TTC34: variants seen among roughly 807,000 people sequenced by gnomAD.
TTC34 encodes the protein tetratricopeptide repeat protein 34.
In TTC34, 44 loss-of-function variants were observed where a neutral mutation model predicts 40.7. The observed-to-expected ratio is 1.08, with a 90% confidence interval of 0.85 to 1.39. The LOEUF is 1.39. Ranked by LOEUF, TTC34 falls within the 40% of genes most tolerant of loss-of-function variation. TTC34 has a pLI of 0.00. For synonymous variants in TTC34, 422 were observed against 398.6 expected (o/e 1.06, Z -0.70); for missense variants, 884 against 838.0 (o/e 1.05, Z -0.68).
chr1:2,653,348 G>A (rs56375117), intron 6 of TTC34, among the ~76,000 whole-genome samples: 1,690 of 130,890 alleles, frequency 0.013, no homozygotes, highest in South Asian at 0.018. Context: ...GCATCTGACA[G>A]CCTGGAACAG....
chr1:2,755,905 C>T lies in TTC34; in HGVS notation c.2226+27704G>A, dbSNP rs1166167680. Reference sequence around the variant, plus strand: ...GACATCCTTGAGCAGCACCCACACCCCCAGGTGAGCATCTGACAGCCTGGA... The same window carrying T: ...GACATCCTTGAGCAGCACCCACACCTCCAGGTGAGCATCTGACAGCCTGGA... On this transcript the variant is annotated intron_variant, in intron 6 of 8. Transcript: ENST00000401095. Among the ~76,000 whole-genome samples the T allele has an allele frequency of 9.4e-5, 8 of 84,908 alleles. 2 individuals are homozygous for T. The highest frequency in any genetic ancestry group is 1.5e-4 in the Non-Finnish European group (7 of 47,894). 55.7% of individuals were successfully genotyped at this position (84,908 alleles called of 152,430 possible).
rs77809548 is a variant in TTC34 at position 2,771,484 on chromosome 1, C to A, written c.2226+12125G>T. Among the ~76,000 whole-genome samples the A allele has an allele frequency of 6.8e-4, 56 of 82,080 alleles. 4 individuals carry two copies. The highest frequency in any genetic ancestry group is 7.5e-4 in the Non-Finnish European group (34 of 45,260). 53.8% of individuals were successfully genotyped at this position (82,080 alleles called of 152,430 possible). On this transcript the variant is annotated intron_variant, in intron 6 of 8. Coordinates refer to ENST00000401095, the Ensembl canonical transcript of TTC34. ...TGACAGTCTGGAACAGCATCCACAC[C>A]CCCAGGCGAGCATCTGACAGCCTGG...
chr1:2,691,624 C>A (rs1640622324), intron 6 of TTC34, among the ~76,000 whole-genome samples: 5 of 111,398 alleles, frequency 4.5e-5, no homozygotes, highest in South Asian at 2.8e-4. Flanking sequence ...CACCCTGCAC[C>A]CCCAGGTGCG....
exon 3 of TTC34, chr1:2,789,898 T>TGCACGGTCCCCC: frequency 2.5e-6 from 1 of 401,302 alleles, no homozygotes; most frequent in Non-Finnish European, 4.4e-6. Flanking sequence ...CGCGGTCCCC[T>TGCACGGTCCCCC]GCACGGTCCC....
intron 6 of TTC34, among the ~76,000 whole-genome samples, chr1:2,750,033 C>T (rs1383933947): frequency 1.0e-5 from 1 of 99,738 alleles, no homozygotes; most frequent in African/African-American, 4.8e-5. Flanking sequence ...CAGCCTGGAG[C>T]AGCACCCACA....
intron 1 of TTC34, among the ~76,000 whole-genome samples, chr1:2,801,353 G>T (rs1245098325): frequency 6.6e-6 from 1 of 152,030 alleles, no homozygotes; most frequent in Admixed American, 6.5e-5. Context: ...TTCGAGGGGG[G>T]CGCCGAGAGC....
rs1418028677 is a variant in TTC34, at chr1:2,751,559, C to G, written c.2226+32050G>C. On this transcript the variant is annotated intron_variant, in intron 6 of 8. Transcript: ENST00000401095. ...GTGAGCATCTGACAGCCTGCAACAG[C>G]ACGCACACCCCCAGGTGCGCACGTG... Among the ~76,000 whole-genome samples, 27 of 98,996 alleles carry G rather than the reference C, an allele frequency of 2.7e-4. 5 individuals are homozygous for G. The highest frequency in any genetic ancestry group is 1.2e-3 in the Admixed American group (11 of 8,902). 64.9% of individuals were successfully genotyped at this position (98,996 alleles called of 152,430 possible).
intron 6 of TTC34, among the ~76,000 whole-genome samples, chr1:2,687,459 T>A (rs1285392334): frequency 2.1e-5 from 3 of 144,914 alleles, no homozygotes; most frequent in Admixed American, 1.4e-4. Flanking sequence ...CAGGTGAGCA[T>A]CCGACAGCCT....
chr1:2,754,770 C>G, intron 6 of TTC34, among the ~76,000 whole-genome samples: 1 of 131,020 alleles, frequency 7.6e-6, no homozygotes, highest in South Asian at 2.5e-4. Context: ...TCTGGAGCAG[C>G]ACCCACACCC....
chr1:2,688,570 C>G (rs1339783973), intron 6 of TTC34, among the ~76,000 whole-genome samples: 1 of 143,924 alleles, frequency 6.9e-6, no homozygotes, highest in Non-Finnish European at 1.5e-5. Flanking sequence ...AGCACCCACA[C>G]CTTCCGGCGC....
chr1:2,696,791 G>T (rs1399027935), intron 6 of TTC34, among the ~76,000 whole-genome samples: 1 of 95,236 alleles, frequency 1.1e-5, no homozygotes, highest in African/African-American at 3.4e-5. Context: ...GCCTGTAACA[G>T]TACCCACACC....
chr1:2,776,308 A>T (rs1333077886), intron 6 of TTC34: 1 of 126,102 alleles, frequency 7.9e-6, no homozygotes, highest in Non-Finnish European at 1.6e-5. Flanking sequence ...TTCCAACAGC[A>T]TGGAACAAGA....
chr1:2,638,416 TTGAA>T (rs1368289152), exon 9 of TTC34: 4 of 152,226 alleles, frequency 2.6e-5, no homozygotes, highest in Non-Finnish European at 4.4e-5. Context: ...GTTTACTTGG[TTGAA>T]TGAAATCTGG....
chr1:2,644,490 T>G lies in TTC34; in HGVS notation c.2498-12A>C, dbSNP rs1193298764. ...TTCCTCGTAGCTGCCTGTCAGGGATTCAGGAGGGACAGTCAGTGTGTGGGG... is the reference window on the plus strand; with the variant it reads ...TTCCTCGTAGCTGCCTGTCAGGGATGCAGGAGGGACAGTCAGTGTGTGGGG... On this transcript the variant is annotated splice_polypyrimidine_tract_variant and intron_variant, in intron 7 of 8. Transcript: ENST00000401095. 6.5e-6 allele frequency: 10 copies of G among 1,530,446 alleles called. No homozygotes were observed. The highest frequency in any genetic ancestry group is 8.8e-6 in the Non-Finnish European group (10 of 1,142,730). 94.8% of individuals were successfully genotyped at this position (1,530,446 alleles called of 1,614,324 possible).
exon 9 of TTC34, chr1:2,641,723 T>C: frequency 3.3e-6 from 5 of 1,535,314 alleles, no homozygotes; most frequent in Non-Finnish European, 3.5e-6. Flanking sequence ...CTGGAGCACA[T>C]GGTCCAGGTC....
intron 8 of TTC34, among the ~76,000 whole-genome samples, chr1:2,643,167 G>A (rs1191862915): frequency 6.6e-6 from 1 of 152,076 alleles, no homozygotes; most frequent in African/African-American, 2.4e-5. Flanking sequence ...TCCGACCCCA[G>A]ACTCCCCTGA....
Position 2,691,800 on chromosome 1 carries a change from G to A in TTC34, c.2227-46237C>T, listed in dbSNP as rs1422481774. Among the ~76,000 whole-genome samples, 2 of 91,102 alleles carry A rather than the reference G, an allele frequency of 2.2e-5. 1 individual carries two copies. The highest frequency in any genetic ancestry group is 7.3e-5 in the African/African-American group (2 of 27,298). 59.8% of individuals were successfully genotyped at this position (91,102 alleles called of 152,430 possible). ...CACCCACACCCCCAGGCGAGCATCCGACAGCCTGGAGCAGCACCCACACCC... is the reference window on the plus strand; with the variant it reads ...CACCCACACCCCCAGGCGAGCATCCAACAGCCTGGAGCAGCACCCACACCC... On this transcript the variant is annotated intron_variant, in intron 6 of 8. Coordinates refer to ENST00000401095, the Ensembl canonical transcript of TTC34.
At chr1:2,752,406 C>G (rs1315750464) in intron 6 of TTC34, among the ~76,000 whole-genome samples, 2 of 30,152 alleles carry the variant, frequency 6.6e-5, no homozygotes, top group Non-Finnish European at 1.7e-4. Context: ...TAACAGCACC[C>G]ACACACCCAG....
At chr1:2,699,410 C>A (rs1423474735) in intron 6 of TTC34, among the ~76,000 whole-genome samples, 5 of 91,804 alleles carry the variant, frequency 5.4e-5, no homozygotes, top group African/African-American at 1.7e-4. Context: ...CAGCACCCCA[C>A]ACCCCAAGGT....
Sources: gnomAD v4.1 joint callset for allele counts (sites outside exome capture counted in the v4.1 genomes callset) on GRCh38, gnomAD v4.1.1 for gene constraint, MANE v1.5 for transcripts, NCBI Gene and HGNC (gene_info 2026-07-23, HGNC 2026-07-21) for gene names.